Variants in NTRK3 observed in about 807,000 individuals in gnomAD.
NTRK3 encodes neurotrophic receptor tyrosine kinase 3.
In NTRK3, 24 loss-of-function variants were observed where a neutral mutation model predicts 91.7. That is an observed-to-expected ratio of 0.26 (90% CI 0.19 to 0.37). The LOEUF is 0.37. NTRK3 is among the 10% of genes least tolerant of loss of function. NTRK3 has a pLI of 1.00. For missense variants in NTRK3, 880 were observed against 1,068.9 expected, an observed-to-expected ratio of 0.82 and a Z score of 2.46; for synonymous variants, 483 against 404.0, an observed-to-expected ratio of 1.20 and a Z score of -2.34.
chr15:88,172,469 AAGACT>A (rs945283685), intron 5 of NTRK3, among the ~76,000 whole-genome samples: 1 of 152,234 alleles, frequency 6.6e-6, no homozygotes, highest in African/African-American at 2.4e-5. Flanking sequence ...TCTAATCCCC[AAGACT>A]AGGAGATGCA....
rs536291163 is a variant in NTRK3 at position 88,228,722 on chromosome 15, C to T, written c.248+27184G>A. ...AAAATAACTTCCACAAAGCCTCACA[C>T]GCAGTAACAGAGGGGAACTGGAGGT... On this transcript the variant is annotated intron_variant, in intron 3 of 18. Coordinates refer to ENST00000394480, the Ensembl canonical transcript of NTRK3. 3.9e-5 allele frequency among the ~76,000 whole-genome samples: 6 copies of T among 152,320 alleles called. No homozygotes were observed. The East Asian group carries it at 5.8e-4, about 15-fold the overall frequency.
chr15:88,171,119 G>C (rs954173005), intron 5 of NTRK3, among the ~76,000 whole-genome samples: 2 of 152,184 alleles, frequency 1.3e-5, no homozygotes, highest in African/African-American at 4.8e-5. Context: ...AAGAGAAACA[G>C]CTGTCGGAGG....
intron 13 of NTRK3, among the ~76,000 whole-genome samples, chr15:88,093,531 C>T (rs939808065): frequency 3.9e-5 from 6 of 152,180 alleles, no homozygotes; most frequent in Non-Finnish European, 8.8e-5. Context: ...GACCACACAG[C>T]TCATAAATGG....
At chr15:87,880,593 A>G (rs929776684) in intron 17 of NTRK3, among the ~76,000 whole-genome samples, 165 bp from the exon 19 acceptor site, 9 of 152,222 alleles carry the variant, frequency 5.9e-5, no homozygotes, top group African/African-American at 2.2e-4. Flanking sequence ...CTGACTTTGG[A>G]GACCTACGAT....
intron 14 of NTRK3, among the ~76,000 whole-genome samples, chr15:87,998,579 G>T (rs1218721737): frequency 1.3e-5 from 2 of 152,176 alleles, no homozygotes; most frequent in Non-Finnish European, 2.9e-5. Flanking sequence ...TCCATATTCT[G>T]ATGCATTTTT....
At chr15:87,879,976 C>T (rs919536757) in intron 18 of NTRK3, among the ~76,000 whole-genome samples, 1 of 152,048 alleles carries the variant, frequency 6.6e-6, no homozygotes, top group Admixed American at 6.6e-5. Context: ...TTCTGTTTTC[C>T]TTTTTTGTCA....
At chr15:88,147,493 TG>T in intron 5 of NTRK3, 90 bp from the exon 6 acceptor site, 4 of 1,076,514 alleles carry the variant, frequency 3.7e-6, no homozygotes, top group Non-Finnish European at 5.7e-6. Flanking sequence ...CACTGGAGCC[TG>T]GCTTTGTTTT....
chr15:87,991,738 A>G lies in NTRK3; in HGVS notation c.1585+41119T>C, dbSNP rs192540039. ...TCCCCATATCAAACACCTGATTTCA[A>G]TGATTTGTTTTGGAATATCTCATGA... On this transcript the variant is annotated intron_variant, in intron 14 of 18. Coordinates refer to ENST00000394480, the Ensembl canonical transcript of NTRK3. 2.0e-4 allele frequency among the ~76,000 whole-genome samples: 31 copies of G among 152,222 alleles called. 1 individual carries two copies. The East Asian group carries it at 5.8e-3, about 28-fold the overall frequency.
chr15:88,219,954 AC>A (rs2141559315), intron 3 of NTRK3, among the ~76,000 whole-genome samples: 1 of 151,900 alleles, frequency 6.6e-6, no homozygotes. Context: ...AAATGCCCGC[AC>A]CCCCTCCTCT....
Position 88,237,349 on chromosome 15 carries a change from T to C in NTRK3, c.248+18557A>G, listed in dbSNP as rs1437019408. Among the ~76,000 whole-genome samples the C allele has an allele frequency of 6.6e-6, 1 of 152,182 alleles. No individual in the cohort carries two copies. The highest frequency in any genetic ancestry group is 1.5e-5 in the Non-Finnish European group (1 of 68,040). ...CCCAAAGAAAACAATTCCATAGCCC[T>C]ATTTTGTGACCCATTGTTTTGGGAA... On this transcript the variant is annotated intron_variant, in intron 3 of 18. Transcript: ENST00000394480. This position sits in a 1 kb window ranked among gnomAD's most constrained non-coding sequence, Gnocchi z 4.0.
At chr15:88,031,661 GCTGA>G (rs1404812715) in intron 14 of NTRK3, among the ~76,000 whole-genome samples, 1 of 152,180 alleles carries the variant, frequency 6.6e-6, no homozygotes, top group East Asian at 1.9e-4. Context: ...ATGACCTTAT[GCTGA>G]CTCAAGCCCA....
At chr15:88,206,843 G>A (rs918951738) in intron 3 of NTRK3, among the ~76,000 whole-genome samples, 9 of 152,090 alleles carry the variant, frequency 5.9e-5, no homozygotes, top group African/African-American at 2.2e-4. Flanking sequence ...TGCATCGGAG[G>A]CCCCACGCAG....
intron 5 of NTRK3, among the ~76,000 whole-genome samples, chr15:88,149,216 C>A (rs1350674941): frequency 2.6e-5 from 4 of 152,126 alleles, no homozygotes; most frequent in African/African-American, 9.7e-5. Context: ...TTGGACGCAG[C>A]CCTCTTTGGT....
chr15:88,180,714 G>A (rs1214428401), intron 5 of NTRK3, among the ~76,000 whole-genome samples: 1 of 149,482 alleles, frequency 6.7e-6, no homozygotes, highest in African/African-American at 2.5e-5. Flanking sequence ...ACCAAGCCAG[G>A]GCTCGGCAAT....
chr15:88,163,059 T>C lies in NTRK3; in HGVS notation c.396-15656A>G, dbSNP rs141583572. ...CTGAGTATCTGGATGTCTCTCTCCCTACCTCCTATCTCTCCCTAGGGGCCA... is the reference window on the plus strand; with the variant it reads ...CTGAGTATCTGGATGTCTCTCTCCCCACCTCCTATCTCTCCCTAGGGGCCA... On this transcript the variant is annotated intron_variant, in intron 5 of 18. Transcript: ENST00000394480. 5.8e-4 allele frequency among the ~76,000 whole-genome samples: 88 copies of C among 152,282 alleles called. 1 individual carries two copies. In the East Asian group the frequency reaches 0.015, roughly 27 times the overall value.
intron 17 of NTRK3, among the ~76,000 whole-genome samples, chr15:87,903,536 C>T (rs921639402): frequency 4.6e-5 from 7 of 152,186 alleles, no homozygotes; most frequent in African/African-American, 1.7e-4. Flanking sequence ...TATATTTCTT[C>T]AGATCATCAG....
chr15:87,981,163 A>T (rs1050332961), intron 14 of NTRK3: 88 of 1,551,258 alleles, frequency 5.7e-5, no homozygotes, highest in Non-Finnish European at 7.6e-5. Flanking sequence ...AGGTCTTAAG[A>T]ACCAAAATTG....
chr15:87,891,825 C>A (rs771258332), intron 17 of NTRK3, among the ~76,000 whole-genome samples: 2 of 151,938 alleles, frequency 1.3e-5, no homozygotes, highest in Non-Finnish European at 2.9e-5. Context: ...CCATACACAC[C>A]CTGAAGAGCA....
intron 14 of NTRK3, chr15:87,978,166 G>A (rs1019801783): frequency 8.7e-6 from 2 of 230,438 alleles, no homozygotes; most frequent in Admixed American, 5.7e-5. Context: ...TACTGAAGAA[G>A]GGAAAGTCAC....
Sources: allele counts gnomAD v4.1 joint callset (sites outside exome capture counted in the v4.1 genomes callset), GRCh38; gene constraint gnomAD v4.1.1; non-coding constraint Gnocchi (gnomAD v3.1); transcripts MANE v1.5; gene names NCBI Gene and HGNC (gene_info 2026-07-23, HGNC 2026-07-21).